The following CD44 variants were observed in gnomAD, a reference collection of about 807,000 sequenced individuals.
The protein encoded by CD44 is CD44 antigen.
In CD44, 49 loss-of-function variants were observed where a neutral mutation model predicts 88.8. The ratio of observed to expected loss-of-function variants is 0.55; its 90% CI spans 0.44 to 0.70. The LOEUF is 0.70. CD44 is among the 30% of genes least tolerant of loss of function. The probability of loss-of-function intolerance (pLI) is 0.00; values close to 1 mark genes in which losing one functional copy is unlikely to be tolerated. For synonymous variants in CD44, 325 were observed against 312.3 expected (o/e 1.04, Z -0.43); for missense variants, 883 against 913.8 (o/e 0.97, Z 0.43).
intron 2 of CD44, chr11:35,176,999 TA>T (rs1348239511): frequency 2.5e-6 from 1 of 407,152 alleles, no homozygotes. Flanking sequence ...TCCTCTTGTC[TA>T]ACCTGCTTCC....
intron 5 of CD44, among the ~76,000 whole-genome samples, chr11:35,191,334 G>A (rs1437085536): frequency 6.6e-6 from 1 of 152,142 alleles, no homozygotes; most frequent in Non-Finnish European, 1.5e-5. Context: ...ATAGGCTTGG[G>A]GTTCCCATCA....
chr11:35,204,387 C>G, intron 9 of CD44, 125 bp from the exon 10 acceptor site: 1 of 811,012 alleles, frequency 1.2e-6, no homozygotes, highest in South Asian at 1.7e-5. Context: ...GGCCTGTTTC[C>G]TTGGTGCCTT....
At chr11:35,163,172 G>A (rs1435854057) in intron 1 of CD44, among the ~76,000 whole-genome samples, 3 of 152,106 alleles carry the variant, frequency 2.0e-5, no homozygotes. Context: ...TAATCCACCT[G>A]TAAGTCAGTG....
chr11:35,191,708 T>A (rs1946289238), intron 5 of CD44, among the ~76,000 whole-genome samples: 1 of 152,200 alleles, frequency 6.6e-6, no homozygotes, highest in Admixed American at 6.5e-5. Flanking sequence ...GGACTATATG[T>A]AGTTAACATT....
At chr11:35,144,289 G>A (rs77560907) in intron 1 of CD44, among the ~76,000 whole-genome samples, 10,587 of 152,304 alleles carry the variant, frequency 0.07, 437 homozygotes, top group Non-Finnish European at 0.09. Flanking sequence ...CGAAGAGCCT[G>A]AAAGGGAAGT....
chr11:35,229,040 A>T, intron 17 of CD44, 89 bp from the exon 18 acceptor site: 1 of 1,078,538 alleles, frequency 9.3e-7, no homozygotes, highest in Non-Finnish European at 1.4e-6. Flanking sequence ...AACCATAGTG[A>T]TCATCAATGA....
intron 4 of CD44, among the ~76,000 whole-genome samples, chr11:35,189,148 G>T (rs2133875985): frequency 6.6e-6 from 1 of 152,266 alleles, no homozygotes; most frequent in South Asian, 2.1e-4. Flanking sequence ...CTAGTCATTT[G>T]TTGAAACCAC....
rs369760294 is a variant in CD44, at chr11:35,156,539, T to C, written c.67+17169T>C. ...ATGTTTCTTTTGAGGGTGAATTTCC[T>C]GATCATGAGCCTTGTTGAGCATTAG... On this transcript the variant is annotated intron_variant, in intron 1 of 17. Transcript: ENST00000428726. Among the ~76,000 whole-genome samples, 3 of 152,348 alleles carry C rather than the reference T, an allele frequency of 2.0e-5. No homozygotes were observed. The East Asian group carries it at 5.8e-4, about 29-fold the overall frequency.
chr11:35,223,386 C>A, intron 17 of CD44: 1 of 608,576 alleles, frequency 1.6e-6, no homozygotes, highest in Non-Finnish European at 2.0e-6. Context: ...CATACACAGT[C>A]CATAAGCTTT....
chr11:35,211,173 G>A, intron 13 of CD44, 73 bp from the exon 14 acceptor site: 3 of 1,148,314 alleles, frequency 2.6e-6, no homozygotes, highest in South Asian at 2.5e-5. Context: ...GCAATTGTGT[G>A]TTCTGGAGAC....
chr11:35,185,840 A>G (rs1016723592), intron 3 of CD44, among the ~76,000 whole-genome samples: 3 of 152,212 alleles, frequency 2.0e-5, no homozygotes, highest in African/African-American at 4.8e-5. Flanking sequence ...CATGAATAGA[A>G]GGTTGCTTCA....
At chr11:35,209,000 C>T (rs1948155345) in intron 12 of CD44, among the ~76,000 whole-genome samples, 1 of 152,174 alleles carries the variant, frequency 6.6e-6, no homozygotes, top group South Asian at 2.1e-4. Flanking sequence ...CGTTAAGCAT[C>T]AAAGGAGATG....
intron 1 of CD44, among the ~76,000 whole-genome samples, chr11:35,173,474 G>T (rs928648399): frequency 6.6e-6 from 1 of 152,168 alleles, no homozygotes; most frequent in African/African-American, 2.4e-5. Flanking sequence ...TGCATGAGTG[G>T]CTTAAGAGAA....
Position 35,180,417 on chromosome 11 carries a change from CAG to C in CD44, c.367+11_367+12del, listed in dbSNP as rs771278408. 10 of 1,613,974 alleles carry C rather than the reference CAG, an allele frequency of 6.2e-6. No individual in the cohort carries two copies. The East Asian group carries it at 2.2e-4, about 36-fold the overall frequency. On this transcript the variant is annotated intron_variant, in intron 3 of 17. Transcript: ENST00000428726. ...TGCTTCAATGCTTCAGGTTGGTTCT[CAG>C]GGGGGTGTCTGTTGGCGTGAAAGGC...
chr11:35,221,515 T>C, intron 16 of CD44, 139 bp from the exon 17 acceptor site: 1 of 708,962 alleles, frequency 1.4e-6, no homozygotes, highest in Admixed American at 2.0e-5. Context: ...ACCTGCCTAT[T>C]GGCTGGACCT....
At chr11:35,191,596 T>A (rs947718510) in intron 5 of CD44, among the ~76,000 whole-genome samples, 29 of 152,180 alleles carry the variant, frequency 1.9e-4, no homozygotes, top group African/African-American at 7.0e-4. Context: ...TTGTCGGATG[T>A]TAGCGAACAC....
At chr11:35,220,264 T>C (rs1949183841) in intron 16 of CD44, among the ~76,000 whole-genome samples, 1 of 152,140 alleles carries the variant, frequency 6.6e-6, no homozygotes, top group African/African-American at 2.4e-5. Context: ...GGCAGCAAGA[T>C]TCTTCCCAGC....
Position 35,189,895 on chromosome 11 carries a change from AAGACAT to A in CD44, c.498_503del (p.Glu166_Ile168delinsAsp). 1 of 1,614,148 alleles carries A rather than the reference AAGACAT, an allele frequency of 6.2e-7. No homozygotes were observed. The highest frequency in any genetic ancestry group is 8.5e-7 in the Non-Finnish European group (1 of 1,180,012). On this transcript the variant is annotated inframe_deletion, in exon 5 of 18. Coordinates refer to ENST00000428726, the MANE Select transcript of CD44 (RefSeq NM_000610.4). ...AAAGGAGAATACAGAACGAATCCTGAAGACATCTACCCCAGCAACCCTACTGATGAT... is the reference window on the plus strand; with the variant it reads ...AAAGGAGAATACAGAACGAATCCTGACTACCCCAGCAACCCTACTGATGAT...
chr11:35,189,651 C>T (rs1308847602), intron 4 of CD44, among the ~76,000 whole-genome samples, 184 bp from the exon 5 acceptor site: 1 of 152,124 alleles, frequency 6.6e-6, no homozygotes, highest in South Asian at 2.1e-4. Context: ...TGCCTCATCC[C>T]CAGGGTGTGT....
Sources: allele counts gnomAD v4.1 joint callset (sites outside exome capture counted in the v4.1 genomes callset), GRCh38; gene constraint gnomAD v4.1.1; transcripts MANE v1.5; gene names NCBI Gene and HGNC (gene_info 2026-07-23, HGNC 2026-07-21).